PDE4D: variants seen among roughly 807,000 people sequenced by gnomAD.
PDE4D encodes the protein phosphodiesterase 4D, also known as 3',5'-cyclic-AMP phosphodiesterase 4D.
Under a neutral mutation model 87.4 loss-of-function variants are expected in PDE4D, and 24 were observed. That is an observed-to-expected ratio of 0.27 (90% CI 0.20 to 0.39). The LOEUF (loss-of-function observed/expected upper bound fraction) is 0.39, where lower values mean the gene tolerates loss of function less well. PDE4D is among the 10% of genes least tolerant of loss of function. The probability of loss-of-function intolerance (pLI) is 1.00; values close to 1 mark genes in which losing one functional copy is unlikely to be tolerated. For synonymous variants in PDE4D, 384 were observed against 383.2 expected (o/e 1.00, Z -0.02); for missense variants, 714 against 1,041.0 (o/e 0.69, Z 4.32).
intron 1 of PDE4D, among the ~76,000 whole-genome samples, chr5:59,661,074 T>TTACATATATATATA (rs1745175582): frequency 7.1e-6 from 1 of 140,082 alleles, no homozygotes; most frequent in African/African-American, 2.7e-5. Context: ...CATGATAATA[T>TTACATATATATATA]TATATATATA....
At chr5:58,976,721 G>A (rs933319867) in intron 12 of PDE4D, among the ~76,000 whole-genome samples, 2 of 152,118 alleles carry the variant, frequency 1.3e-5, no homozygotes, top group South Asian at 2.1e-4. Flanking sequence ...TGAAAAATGG[G>A]TGACATCTCC....
intron 1 of PDE4D, among the ~76,000 whole-genome samples, chr5:60,305,044 C>A (rs1318235825): frequency 7.4e-6 from 1 of 135,856 alleles, no homozygotes; most frequent in Non-Finnish European, 1.7e-5. Context: ...GCTATACACA[C>A]ACACACACAC....
intron 2 of PDE4D, among the ~76,000 whole-genome samples, chr5:60,141,845 C>T (rs1780563571): frequency 6.6e-6 from 1 of 152,120 alleles, no homozygotes; most frequent in Admixed American, 6.6e-5. Flanking sequence ...GCTTAGAAGA[C>T]ATCTAACCAA....
chr5:59,626,479 G>A (rs888114100), intron 1 of PDE4D, among the ~76,000 whole-genome samples: 1 of 152,200 alleles, frequency 6.6e-6, no homozygotes, highest in African/African-American at 2.4e-5. Flanking sequence ...GAACAAATGA[G>A]TGACTTAATT....
chr5:59,762,351 T>TATGCGTATATGGGTACAC lies in PDE4D; in HGVS notation c.455+130816_455+130817insGTGTACCCATATACGCAT. Reference sequence around the variant, plus strand: ...ATGCGTATATGGGTACACATATGCATATATGTGTATATGGGTACACATGTG... The same window carrying TATGCGTATATGGGTACAC: ...ATGCGTATATGGGTACACATATGCATATGCGTATATGGGTACACATATGTGTATATGGGTACACATGTG... On this transcript the variant is annotated intron_variant, in intron 1 of 14. Coordinates refer to ENST00000340635, the MANE Select transcript of PDE4D (RefSeq NM_001104631.2). 1.9e-5 allele frequency among the ~76,000 whole-genome samples: 2 copies of TATGCGTATATGGGTACAC among 103,682 alleles called. 1 individual carries two copies. Among genetic ancestry groups the TATGCGTATATGGGTACAC allele is most frequent in the Admixed American group, 1.8e-4 (2 of 11,084 alleles). The allele number at this position is 103,682 out of a possible 152,430, so 68.0% of individuals were successfully genotyped here.
At chr5:60,295,840 C>T (rs1281537192) in intron 1 of PDE4D, among the ~76,000 whole-genome samples, 2 of 152,192 alleles carry the variant, frequency 1.3e-5, no homozygotes, top group African/African-American at 4.8e-5. Context: ...TATTAAAAGG[C>T]TGTCTTAGTC....
intron 1 of PDE4D, among the ~76,000 whole-genome samples, chr5:59,802,124 T>A (rs956091265): frequency 2.0e-5 from 3 of 152,202 alleles, no homozygotes; most frequent in Non-Finnish European, 4.4e-5. Flanking sequence ...TTTTATGTGT[T>A]AGAATCACCG....
chr5:59,643,281 T>C (rs1469431379), intron 1 of PDE4D, among the ~76,000 whole-genome samples: 1 of 151,652 alleles, frequency 6.6e-6, no homozygotes, highest in African/African-American at 2.4e-5. Flanking sequence ...TTCAGGGAGG[T>C]CAAGGTAACT....
chr5:59,205,337 G>A (rs1171670062), intron 2 of PDE4D, among the ~76,000 whole-genome samples: 1 of 152,034 alleles, frequency 6.6e-6, no homozygotes. Context: ...CCTTGTTAAT[G>A]TTCTTTACCT....
chr5:60,335,616 A>G (rs963925701), intron 1 of PDE4D, among the ~76,000 whole-genome samples: 1 of 152,212 alleles, frequency 6.6e-6, no homozygotes, highest in African/African-American at 2.4e-5. Flanking sequence ...TAGAAGAAAT[A>G]GTAAACTCTC....
intron 1 of PDE4D, among the ~76,000 whole-genome samples, chr5:59,704,576 C>T (rs955752067): frequency 1.3e-5 from 2 of 152,348 alleles, no homozygotes; most frequent in Admixed American, 6.5e-5. Context: ...AGATAACACA[C>T]TTGAGTTCCT....
chr5:59,780,914 C>G (rs1764548316), intron 1 of PDE4D, among the ~76,000 whole-genome samples: 2 of 152,230 alleles, frequency 1.3e-5, no homozygotes, highest in South Asian at 4.1e-4. Flanking sequence ...TGCCTGTAAT[C>G]CCAGCACTTT....
intron 1 of PDE4D, among the ~76,000 whole-genome samples, chr5:59,855,497 C>T (rs1159284960): frequency 1.3e-5 from 2 of 152,102 alleles, no homozygotes; most frequent in Non-Finnish European, 2.9e-5. Flanking sequence ...AAATCCATTA[C>T]TAAAATTAAT....
Position 59,468,151 on chromosome 5 carries a change from TA to T in PDE4D, c.456-252184del, listed in dbSNP as rs1430576156. Reference sequence around the variant, plus strand: ...TGTTCATCTAACCAATAAGCAGGTGTAAATGAATATTTCATGAACACTGTCT... The same window carrying T: ...TGTTCATCTAACCAATAAGCAGGTGTAATGAATATTTCATGAACACTGTCT... On this transcript the variant is annotated intron_variant, in intron 1 of 14. Coordinates refer to ENST00000340635, the MANE Select transcript of PDE4D (RefSeq NM_001104631.2). 7.9e-5 allele frequency among the ~76,000 whole-genome samples: 12 copies of T among 152,332 alleles called. No homozygotes were observed. In the East Asian group the frequency reaches 2.1e-3, roughly 27 times the overall value.
chr5:60,195,967 G>A (rs564270593), intron 1 of PDE4D, among the ~76,000 whole-genome samples: 2 of 151,798 alleles, frequency 1.3e-5, no homozygotes, highest in African/African-American at 4.8e-5. Context: ...CTTTGTCCCT[G>A]TAGAAAAGGC....
intron 3 of PDE4D, among the ~76,000 whole-genome samples, chr5:59,946,788 T>C (rs188224512): frequency 6.6e-6 from 1 of 152,326 alleles, no homozygotes; most frequent in East Asian, 1.9e-4. Flanking sequence ...TATTAGGAGT[T>C]ATTTAAATTA....
intron 1 of PDE4D, among the ~76,000 whole-genome samples, chr5:60,484,176 C>T (rs912085068): frequency 1.4e-5 from 2 of 145,190 alleles, no homozygotes; most frequent in African/African-American, 5.0e-5. Context: ...TAATGAGAGT[C>T]AAGACAGGAA....
chr5:60,252,176 A>G (rs189700796), intron 1 of PDE4D, among the ~76,000 whole-genome samples: 1 of 152,014 alleles, frequency 6.6e-6, no homozygotes, highest in East Asian at 1.9e-4. Context: ...TTGCCTAATG[A>G]TATATTTCTC....
At chr5:60,063,164 A>AAGAAAAAG (rs201921966) in intron 2 of PDE4D, among the ~76,000 whole-genome samples, 3 of 129,106 alleles carry the variant, frequency 2.3e-5, no homozygotes, top group South Asian at 2.9e-4. Context: ...GAAGGAAAGA[A>AAGAAAAAG]AGAAAGAAAA....
Sources: allele counts gnomAD v4.1 joint callset (sites outside exome capture counted in the v4.1 genomes callset), GRCh38; gene constraint gnomAD v4.1.1; transcripts MANE v1.5; gene names NCBI Gene and HGNC (gene_info 2026-07-23, HGNC 2026-07-21).